Variants in CALN1 observed in about 807,000 individuals in gnomAD.
CALN1 encodes the protein calneuron 1, also known as calcium-binding protein 8.
A neutral mutation model predicts 30.6 loss-of-function variants in CALN1; 17 were observed. The observed-to-expected ratio is 0.56, with a 90% CI of 0.38 to 0.83. The LOEUF is 0.83. Among genes scored for constraint, CALN1 ranks in the 40% least tolerant of loss-of-function variants. The probability of loss-of-function intolerance (pLI) is 0.00; values close to 1 mark genes in which losing one functional copy is unlikely to be tolerated. For missense variants in CALN1, 291 were observed against 354.9 expected, an observed-to-expected ratio of 0.82 and a Z score of 1.45; for synonymous variants, 156 against 131.4, an observed-to-expected ratio of 1.19 and a Z score of -1.28.
In CALN1 at chr7:72,102,500, G is replaced by A. The variant is rs545604755; in HGVS notation, c.388+3651C>T. Among the ~76,000 whole-genome samples, 5 of 152,182 alleles carry A rather than the reference G, an allele frequency of 3.3e-5. No individual in the cohort carries two copies. In the South Asian group the frequency reaches 6.2e-4, roughly 19 times the overall value. On this transcript the variant is annotated intron_variant, in intron 4 of 6. Coordinates refer to ENST00000395275, the MANE Select transcript of CALN1 (RefSeq NM_031468.4). The stretch of plus-strand genomic sequence containing the variant: ...ATTTTTTCCAGTGAGGTTGTATGCA[G>A]AAACTCAGTAAATAGAAAATAGACA...
intron 4 of CALN1, among the ~76,000 whole-genome samples, chr7:72,048,025 GC>G: frequency 6.9e-6 from 1 of 145,880 alleles, no homozygotes; most frequent in African/African-American, 2.6e-5. Flanking sequence ...CATTCATATT[GC>G]TTCTTCTTCT....
intron 2 of CALN1, among the ~76,000 whole-genome samples, chr7:72,323,685 A>G (rs999795980): frequency 6.6e-6 from 1 of 151,576 alleles, no homozygotes; most frequent in African/African-American, 2.4e-5. Context: ...TAAAAAATAA[A>G]GAGAACAAAA....
intron 5 of CALN1, among the ~76,000 whole-genome samples, chr7:72,003,886 G>A (rs1799644155): frequency 6.6e-6 from 1 of 152,122 alleles, no homozygotes; most frequent in South Asian, 2.1e-4. Context: ...CCAGTCTCTG[G>A]TGCCAGAAAG....
chr7:72,333,423 T>C (rs1043872847), intron 2 of CALN1, among the ~76,000 whole-genome samples: 2 of 152,222 alleles, frequency 1.3e-5, no homozygotes, highest in Admixed American at 6.5e-5. Flanking sequence ...GCAACAATGG[T>C]GTTTTCCTTT....
intron 1 of CALN1, among the ~76,000 whole-genome samples, chr7:72,408,570 A>G (rs1806866871): frequency 6.6e-6 from 1 of 151,708 alleles, no homozygotes; most frequent in African/African-American, 2.4e-5. Flanking sequence ...ATCATGGATA[A>G]TTTTTTGTAT....
intron 4 of CALN1, among the ~76,000 whole-genome samples, chr7:72,035,747 C>T (rs937271862): frequency 1.8e-4 from 27 of 152,240 alleles, no homozygotes; most frequent in Middle Eastern, 3.4e-3. Context: ...ATTTCCATTC[C>T]CACTCCTTTC....
At chr7:72,170,602 G>A (rs866139295) in intron 3 of CALN1, among the ~76,000 whole-genome samples, 4 of 152,162 alleles carry the variant, frequency 2.6e-5, no homozygotes, top group Non-Finnish European at 5.9e-5. Flanking sequence ...CATCAGGCAC[G>A]CACATAAAGA....
At chr7:72,330,423 G>A (rs1050952843) in intron 2 of CALN1, among the ~76,000 whole-genome samples, 10 of 146,394 alleles carry the variant, frequency 6.8e-5, no homozygotes, top group African/African-American at 1.3e-4. Context: ...AGCCAAGATC[G>A]TGCCACTGCA....
the CALN1 span, among the ~76,000 whole-genome samples, chr7:72,458,155 A>ATATATATATTTAATATATT: frequency 1.4e-4 from 19 of 133,152 alleles, no homozygotes; most frequent in African/African-American, 1.1e-4. Flanking sequence ...TAATATATTT[A>ATATATATATTTAATATATT]TATATATATT....
chr7:72,113,562 G>A lies in CALN1; in HGVS notation c.245-7268C>T, dbSNP rs562370224. Among the ~76,000 whole-genome samples, 46 of 152,318 alleles carry A rather than the reference G, an allele frequency of 3.0e-4. 1 individual carries two copies. The highest frequency in any genetic ancestry group is 4.3e-4 in the African/African-American group (18 of 41,568). On this transcript the variant is annotated intron_variant, in intron 3 of 6. Coordinates refer to ENST00000395275, the MANE Select transcript of CALN1 (RefSeq NM_031468.4). ...TTCACAGCCATCTGGGCTCTACCCCGCAGGCCAGGGGTTGGCAAAGGATGG... is the reference window on the plus strand; with the variant it reads ...TTCACAGCCATCTGGGCTCTACCCCACAGGCCAGGGGTTGGCAAAGGATGG...
chr7:71,981,015 G>C (rs897652881), intron 5 of CALN1, among the ~76,000 whole-genome samples: 1 of 152,142 alleles, frequency 6.6e-6, no homozygotes, highest in East Asian at 1.9e-4. Context: ...CACACACCAG[G>C]ACACCGCCAC....
intron 2 of CALN1, among the ~76,000 whole-genome samples, chr7:72,344,658 A>G (rs1017155050): frequency 1.4e-5 from 2 of 146,716 alleles, no homozygotes; most frequent in African/African-American, 4.9e-5. Flanking sequence ...TTTTATTTAT[A>G]TAAATATATA....
intron 1 of CALN1, among the ~76,000 whole-genome samples, chr7:72,408,919 C>G (rs984113967): frequency 3.3e-5 from 5 of 151,896 alleles, no homozygotes; most frequent in Non-Finnish European, 7.4e-5. Flanking sequence ...CTCAAGTAAT[C>G]TACCCACCTC....
At chr7:72,193,987 T>C (rs1359597306) in intron 3 of CALN1, among the ~76,000 whole-genome samples, 1 of 152,102 alleles carries the variant, frequency 6.6e-6, no homozygotes, top group Non-Finnish European at 1.5e-5. Flanking sequence ...GAGATAAGAC[T>C]ACACATTGGG....
At chr7:72,258,119 A>T (rs940524769) in intron 3 of CALN1, among the ~76,000 whole-genome samples, 9 of 151,736 alleles carry the variant, frequency 5.9e-5, no homozygotes, top group Non-Finnish European at 1.3e-4. Context: ...ACTGAAATGA[A>T]TTTTTTAAAA....
chr7:72,346,096 G>A (rs564983811), intron 2 of CALN1, among the ~76,000 whole-genome samples: 1 of 152,126 alleles, frequency 6.6e-6, no homozygotes, highest in Non-Finnish European at 1.5e-5. Flanking sequence ...AATAGCTAAA[G>A]TCTATTTATT....
At position 72,213,055 on chromosome 7, in the gene CALN1, C is replaced by A. The variant is rs151333284; in HGVS notation, c.244+65631G>T. On this transcript the variant is annotated intron_variant, in intron 3 of 6. Coordinates refer to ENST00000395275, the MANE Select transcript of CALN1 (RefSeq NM_031468.4). The stretch of plus-strand genomic sequence containing the variant: ...CTCATTTCACAGGGCTTGTGATCAA[C>A]CTGCTGACGAATTTCTGCTCAGAAT... 4.0e-4 allele frequency among the ~76,000 whole-genome samples: 61 copies of A among 152,316 alleles called. 1 individual carries two copies. The East Asian group carries it at 6.2e-3, about 15-fold the overall frequency.
intron 2 of CALN1, among the ~76,000 whole-genome samples, chr7:72,386,826 T>C (rs1285923206): frequency 6.6e-6 from 1 of 152,030 alleles, no homozygotes; most frequent in Non-Finnish European, 1.5e-5. Flanking sequence ...ATTTAAGGGG[T>C]CTTGTCACCT....
chr7:71,881,666 G>C (rs1792575759), intron 5 of CALN1, among the ~76,000 whole-genome samples: 1 of 152,122 alleles, frequency 6.6e-6, no homozygotes, highest in African/African-American at 2.4e-5. Flanking sequence ...GTAAGGCTCT[G>C]CAAGGCTATC....
Sources: gnomAD v4.1 joint callset for allele counts (sites outside exome capture counted in the v4.1 genomes callset) on GRCh38, gnomAD v4.1.1 for gene constraint, MANE v1.5 for transcripts, NCBI Gene and HGNC (gene_info 2026-07-23, HGNC 2026-07-21) for gene names.